The following BRINP3 variants were observed in gnomAD, a reference collection of about 807,000 sequenced individuals.
BRINP3 encodes BMP/retinoic acid inducible neural specific 3.
BRINP3 carries 19 observed loss-of-function variants against 71.0 expected under a neutral mutation model. That is an observed-to-expected ratio of 0.27 (90% CI 0.19 to 0.39). The LOEUF is 0.39. Among genes scored for constraint, BRINP3 ranks in the 10% least tolerant of loss-of-function variants. The probability of loss-of-function intolerance (pLI) is 1.00; values close to 1 mark genes in which losing one functional copy is unlikely to be tolerated. For synonymous variants in BRINP3, 380 were observed against 337.7 expected (o/e 1.13, Z -1.37); for missense variants, 959 against 940.8 (o/e 1.02, Z -0.25).
chr1:190,475,235 A>G lies in BRINP3; in HGVS notation c.-51+2213T>C, dbSNP rs565679298. Among the ~76,000 whole-genome samples the G allele has an allele frequency of 5.3e-5, 8 of 152,330 alleles. No homozygotes were observed. In the South Asian group the frequency reaches 1.2e-3, roughly 24 times the overall value. ...AAGGACAGTGATTAGGGTTTTATAA[A>G]GCAGGCATTCTGAGGAATCGTCGTT... On this transcript the variant is annotated intron_variant, in intron 1 of 7. Transcript: ENST00000367462.
At chr1:190,148,272 C>T (rs1656071712) in intron 7 of BRINP3, among the ~76,000 whole-genome samples, 1 of 151,886 alleles carries the variant, frequency 6.6e-6, no homozygotes, top group South Asian at 2.1e-4. Context: ...TATTTTTACT[C>T]TCACCCATGC....
intron 2 of BRINP3, among the ~76,000 whole-genome samples, chr1:190,314,231 C>A (rs1665729784): frequency 6.6e-6 from 1 of 151,952 alleles, no homozygotes; most frequent in African/African-American, 2.4e-5. Flanking sequence ...GCTTTGGAAA[C>A]ATATTGGAAA....
chr1:190,391,549 A>G (rs1022496163), intron 2 of BRINP3, among the ~76,000 whole-genome samples: 4 of 151,798 alleles, frequency 2.6e-5, no homozygotes, highest in African/African-American at 9.7e-5. Context: ...TATTTCCTAT[A>G]GAACAAGATT....
At chr1:190,170,250 G>GA (rs1038495189) in intron 6 of BRINP3, among the ~76,000 whole-genome samples, 6 of 151,396 alleles carry the variant, frequency 4.0e-5, no homozygotes, top group Admixed American at 1.3e-4. Context: ...ACCTATGAGA[G>GA]AAAAAAAATA....
chr1:190,258,066 G>A (rs1310432022), intron 4 of BRINP3, among the ~76,000 whole-genome samples: 1 of 152,204 alleles, frequency 6.6e-6, no homozygotes, highest in Non-Finnish European at 1.5e-5. Context: ...GCTGCCTTTT[G>A]TTCAGCTATG....
At chr1:190,152,784 C>T (rs1402733273) in intron 7 of BRINP3, among the ~76,000 whole-genome samples, 2 of 151,964 alleles carry the variant, frequency 1.3e-5, no homozygotes, top group Non-Finnish European at 2.9e-5. Flanking sequence ...TTTATTTTAT[C>T]ATTATAGTCG....
Position 190,473,748 on chromosome 1 carries a change from T to TG in BRINP3, c.-51+3699dup, listed in dbSNP as rs778034347. The stretch of plus-strand genomic sequence containing the variant: ...ACTGAAAATGTAAAATAAATTTATT[T>TG]GGGGAAGAAAACCCATAATTTTCTA... On this transcript the variant is annotated intron_variant, in intron 1 of 7. Transcript: ENST00000367462. Among the ~76,000 whole-genome samples the TG allele has an allele frequency of 1.4e-3, 216 of 149,066 alleles. 1 individual carries two copies. The Middle Eastern group carries it at 0.017, about 12-fold the overall frequency.
intron 1 of BRINP3, among the ~76,000 whole-genome samples, chr1:190,476,218 C>G (rs1045285734): frequency 2.2e-5 from 3 of 136,964 alleles, no homozygotes; most frequent in African/African-American, 8.2e-5. Context: ...CGTCAGCCAT[C>G]AATGACGACA....
intron 2 of BRINP3, among the ~76,000 whole-genome samples, chr1:190,353,143 T>G (rs1489204173): frequency 1.3e-5 from 2 of 152,088 alleles, no homozygotes; most frequent in Non-Finnish European, 2.9e-5. Flanking sequence ...ATCTATTTCA[T>G]GTTTTACATA....
intron 2 of BRINP3, among the ~76,000 whole-genome samples, chr1:190,344,546 C>G (rs1014325637): frequency 2.0e-5 from 3 of 151,826 alleles, no homozygotes; most frequent in African/African-American, 7.2e-5. Flanking sequence ...TGAATCATTA[C>G]TAAATATTAA....
intron 2 of BRINP3, among the ~76,000 whole-genome samples, chr1:190,451,546 C>A (rs536209441): frequency 4.6e-5 from 7 of 152,048 alleles, no homozygotes; most frequent in African/African-American, 1.7e-4. Context: ...GAATAGCTCA[C>A]TTTCTGAAAC....
intron 1 of BRINP3, among the ~76,000 whole-genome samples, chr1:190,470,372 A>G (rs1677054655): frequency 6.6e-6 from 1 of 151,056 alleles, no homozygotes; most frequent in Non-Finnish European, 1.5e-5. Flanking sequence ...ATGTTCATGT[A>G]TTTATTAATT....
intron 7 of BRINP3, among the ~76,000 whole-genome samples, chr1:190,140,580 C>T (rs1048788818): frequency 2.4e-4 from 37 of 151,904 alleles, no homozygotes; most frequent in Admixed American, 9.9e-4. Flanking sequence ...TTCCTAAAAC[C>T]ATAAATTTTA....
chr1:190,175,219 T>C (rs1652398685), intron 6 of BRINP3, among the ~76,000 whole-genome samples: 1 of 152,102 alleles, frequency 6.6e-6, no homozygotes, highest in South Asian at 2.1e-4. Context: ...AAATAGCAAA[T>C]TGCAAAGCGA....
At chr1:190,426,482 C>T (rs576371960) in intron 2 of BRINP3, among the ~76,000 whole-genome samples, 19 of 151,902 alleles carry the variant, frequency 1.3e-4, no homozygotes, top group Admixed American at 1.2e-3. Flanking sequence ...CGTCCCTAAT[C>T]CAAAAATTCC....
At chr1:190,353,559 T>C (rs1438512807) in intron 2 of BRINP3, among the ~76,000 whole-genome samples, 1 of 152,070 alleles carries the variant, frequency 6.6e-6, no homozygotes, top group Non-Finnish European at 1.5e-5. Flanking sequence ...ATAAAAATAA[T>C]TCAAACAAAA....
intron 2 of BRINP3, among the ~76,000 whole-genome samples, chr1:190,450,391 G>C (rs1465847776): frequency 6.6e-6 from 1 of 152,092 alleles, no homozygotes; most frequent in Non-Finnish European, 1.5e-5. Context: ...CTGGCAGAAG[G>C]TTACATATTA....
chr1:190,331,730 A>G (rs1666975921), intron 2 of BRINP3, among the ~76,000 whole-genome samples: 2 of 152,056 alleles, frequency 1.3e-5, no homozygotes, highest in Admixed American at 6.6e-5. Context: ...GAAACAGTAG[A>G]TCACCTACAC....
At chr1:190,374,411 C>T (rs774958050) in intron 2 of BRINP3, among the ~76,000 whole-genome samples, 1 of 152,028 alleles carries the variant, frequency 6.6e-6, no homozygotes, top group African/African-American at 2.4e-5. Context: ...ATTATAATCA[C>T]CATTATTATC....
Sources: gnomAD v4.1 joint callset for allele counts (sites outside exome capture counted in the v4.1 genomes callset) on GRCh38, gnomAD v4.1.1 for gene constraint, MANE v1.5 for transcripts, NCBI Gene and HGNC (gene_info 2026-07-23, HGNC 2026-07-21) for gene names.